The following RAB11FIP1 variants were observed in gnomAD, a reference collection of about 807,000 sequenced individuals.
RAB11FIP1 encodes the protein rab11 family-interacting protein 1.
Under a neutral mutation model 83.1 loss-of-function variants are expected in RAB11FIP1, and 49 were observed. The ratio of observed to expected loss-of-function variants is 0.59; its 90% confidence interval spans 0.47 to 0.75. The LOEUF is 0.75. RAB11FIP1 is among the 30% of genes least tolerant of loss of function. The probability of loss-of-function intolerance (pLI) is 0.00; values close to 1 mark genes in which losing one functional copy is unlikely to be tolerated. For missense variants in RAB11FIP1, 1,536 were observed against 1,598.7 expected (o/e 0.96, Z 0.67); for synonymous variants, 670 against 656.0 (o/e 1.02, Z -0.33).
chr8:37,878,254 G>T (rs1274822044), intron 1 of RAB11FIP1: 1 of 151,912 alleles, frequency 6.6e-6, no homozygotes, highest in Non-Finnish European at 1.5e-5. Context: ...TAAAGATCAG[G>T]GCAGGTGCGG....
At chr8:37,892,174 A>C (rs1275157194) in intron 1 of RAB11FIP1, among the ~76,000 whole-genome samples, 6 of 152,228 alleles carry the variant, frequency 3.9e-5, no homozygotes, top group Non-Finnish European at 7.4e-5. Flanking sequence ...TACCATATCC[A>C]ATCCATCATA....
chr8:37,888,780 C>A (rs1216160142), intron 1 of RAB11FIP1, among the ~76,000 whole-genome samples: 1 of 147,994 alleles, frequency 6.8e-6, no homozygotes, highest in African/African-American at 2.5e-5. Context: ...TCAGTGTATA[C>A]GTTCTGCAAC....
chr8:37,875,547 G>C (rs1323508019), intron 2 of RAB11FIP1, among the ~76,000 whole-genome samples: 1 of 152,144 alleles, frequency 6.6e-6, no homozygotes. Context: ...TGTCCACAGT[G>C]CTGAGGTTGA....
At chr8:37,869,911 A>G (rs116767887) in intron 5 of RAB11FIP1, among the ~76,000 whole-genome samples, 2,898 of 152,314 alleles carry the variant, frequency 0.019, 89 homozygotes, top group African/African-American at 0.066. Flanking sequence ...TAATGTTACC[A>G]AAAAAGTATA....
intron 1 of RAB11FIP1, among the ~76,000 whole-genome samples, chr8:37,880,421 C>T (rs1806711615): frequency 6.6e-6 from 1 of 152,040 alleles, no homozygotes. Context: ...GCCTCAGCCT[C>T]CCGAGTAGCT....
intron 1 of RAB11FIP1, among the ~76,000 whole-genome samples, chr8:37,897,148 C>G (rs1027232457): frequency 4.6e-5 from 7 of 151,940 alleles, no homozygotes; most frequent in Non-Finnish European, 8.8e-5. Context: ...GTGAGATACC[C>G]CATCCATCCT....
At chr8:37,873,316 G>A (rs1806523582) in intron 3 of RAB11FIP1, 137 bp from the exon 4 acceptor site, 1 of 1,017,214 alleles carries the variant, frequency 9.8e-7, no homozygotes, top group African/African-American at 1.6e-5. Flanking sequence ...GTTAAAAAAG[G>A]AACGCTAGCC....
rs536461909 is a variant in RAB11FIP1 at position 37,867,375 on chromosome 8, A to G, written c.3633+3045T>C. On this transcript the variant is annotated intron_variant, in intron 5 of 5. Transcript: ENST00000330843. ...GGCTGTGGCTGATAATTTTGAGACC[A>G]ATGCTTACCACCTGCCCTGTCAATG... Among the ~76,000 whole-genome samples the G allele has an allele frequency of 5.3e-5, 8 of 152,334 alleles. No homozygotes were observed. In the South Asian group the frequency reaches 1.7e-3, roughly 32 times the overall value.
chr8:37,873,131 A>T lies in RAB11FIP1; in HGVS notation c.1671T>A (p.Pro557=). ...EAQPTARLPS[P]TDSPSSLPPL... is the part of the protein sequence containing the mutation. Reference sequence around the variant, plus strand: ...GAGGAAGAGAGGAAGGGGAGTCAGTAGGGGAAGGAAGCCTGGCTGTGGGTT... The same window carrying T: ...GAGGAAGAGAGGAAGGGGAGTCAGTTGGGGAAGGAAGCCTGGCTGTGGGTT... Residue 557 remains proline, a synonymous_variant, in exon 4 of 6, where the codon CCT becomes CCA. Coordinates refer to ENST00000330843, the MANE Select transcript of RAB11FIP1 (RefSeq NM_001002814.3). 6.2e-7 allele frequency: 1 copy of T among 1,610,512 alleles called. No individual in the cohort carries two copies. The highest frequency in any genetic ancestry group is 8.5e-7 in the Non-Finnish European group (1 of 1,179,344).
At chr8:37,896,396 T>C (rs1807091877) in intron 1 of RAB11FIP1, among the ~76,000 whole-genome samples, 1 of 152,146 alleles carries the variant, frequency 6.6e-6, no homozygotes, top group South Asian at 2.1e-4. Flanking sequence ...GACAGCACCC[T>C]TGGCACCTTG....
chr8:37,876,214 A>AAAGGAAGGAAGGAAGGAAGG (rs71216633), intron 2 of RAB11FIP1, among the ~76,000 whole-genome samples: 25 of 128,384 alleles, frequency 1.9e-4, no homozygotes, highest in East Asian at 4.5e-4. Context: ...GAAAAGAAAG[A>AAAGGAAGGAAGGAAGGAAGG]AAGGAAGGAA....
Position 37,899,479 on chromosome 8 carries a change from C to T in RAB11FIP1, c.-38G>A, listed in dbSNP as rs1585455534. ...ACTCCAGAAGCGAGGAGAAGATCGC[C>T]GCGACTGGCGGCCTCCACGGCCCGC... On this transcript the variant is annotated 5_prime_UTR_variant, in exon 1 of 6. Transcript: ENST00000330843. This position sits in a 1 kb window ranked among gnomAD's most constrained non-coding sequence, Gnocchi z 4.5. 2.0e-6 allele frequency: 3 copies of T among 1,484,816 alleles called. No individual in the cohort carries two copies. The highest frequency in any genetic ancestry group is 2.4e-5 in the Admixed American group (1 of 41,518). 92.0% of individuals were successfully genotyped at this position (1,484,816 alleles called of 1,614,324 possible). A position where few individuals can be genotyped will look rare whatever the true frequency, so the allele number is the denominator to read the frequency against.
At chr8:37,898,546 G>T (rs1017037745) in intron 1 of RAB11FIP1, among the ~76,000 whole-genome samples, 1 of 151,940 alleles carries the variant, frequency 6.6e-6, no homozygotes, top group Non-Finnish European at 1.5e-5. Context: ...CCAGCTACTC[G>T]GGAGGCTCAG....
In RAB11FIP1 at chr8:37,871,655, G is replaced by A. The variant is rs543082155; in HGVS notation, c.3147C>T (p.Phe1049=). ...VTAPSEQTTE[F]GIHKPHLGKS... ...TGCCAAGATGTGGTTTGTGAATTCC[G>A]AACTCTGTGGTCTGCTCTGAAGGAG... is the stretch of plus-strand genomic sequence containing the variant. Residue 1049 remains phenylalanine, a synonymous_variant, in exon 4 of 6, where the codon TTC becomes TTT. Transcript: ENST00000330843. 2.6e-5 allele frequency: 42 copies of A among 1,612,142 alleles called. No homozygotes were observed. The highest frequency in any genetic ancestry group is 9.3e-5 in the African/African-American group (7 of 74,996).
Position 37,874,525 on chromosome 8 carries a change from C to T in RAB11FIP1, c.1612G>A (p.Val538Ile). 1 of 1,613,834 alleles carries T rather than the reference C, an allele frequency of 6.2e-7. No homozygotes were observed. Among genetic ancestry groups the T allele is most frequent in the African/African-American group, 1.3e-5 (1 of 75,042 alleles). ...AGAGCCAAAACTCACCGGGGCTTGA[C>T]AGCTCTGGTCTGGGGAGCCCTCGGA... The part of the protein sequence containing the change: ...SSPRAPQTRA[V>I]KPRLEVSPEA... Residue 538 changes from valine (V) to isoleucine (I), a missense_variant, in exon 3 of 6, where the codon GTC becomes ATC. Val to Ile is a conservative substitution (Grantham distance 29). Coordinates refer to ENST00000330843, the MANE Select transcript of RAB11FIP1 (RefSeq NM_001002814.3).
At chr8:37,884,357 C>T (rs1005802622) in intron 1 of RAB11FIP1, among the ~76,000 whole-genome samples, 1 of 151,936 alleles carries the variant, frequency 6.6e-6, no homozygotes, top group Non-Finnish European at 1.5e-5. Flanking sequence ...GCTACCACAC[C>T]CGGCCAACAT....
At position 37,872,950 on chromosome 8, in the gene RAB11FIP1, C is replaced by T. The variant is rs149715270; in HGVS notation, c.1852G>A (p.Val618Ile). ...TCAGACTTGGCCTGGCCCCTGTCTA[C>T]GAGAGGCCAGCTTTCAATTGGAGTG... ...TSTPIESWPL[V>I]DRGQAKSEGP... Residue 618 changes from valine to isoleucine, a missense_variant, in exon 4 of 6, where the codon GTA (valine) becomes ATA (isoleucine). Val to Ile is a conservative substitution (Grantham distance 29). Coordinates refer to ENST00000330843, the MANE Select transcript of RAB11FIP1 (RefSeq NM_001002814.3). The T allele has an allele frequency of 9.9e-6, 16 of 1,614,060 alleles. No homozygotes were observed. The highest frequency in any genetic ancestry group is 1.6e-4 in the Middle Eastern group (1 of 6,078).
At chr8:37,896,986 G>A (rs1453757491) in intron 1 of RAB11FIP1, among the ~76,000 whole-genome samples, 1 of 152,156 alleles carries the variant, frequency 6.6e-6, no homozygotes, top group African/African-American at 2.4e-5. Flanking sequence ...TTGGGATGGC[G>A]CAAGACAACG....
At chr8:37,869,310 G>GGCCGGGC (rs1806400999) in intron 5 of RAB11FIP1, among the ~76,000 whole-genome samples, 1 of 151,834 alleles carries the variant, frequency 6.6e-6, no homozygotes, top group Non-Finnish European at 1.5e-5. Flanking sequence ...GCATGAGGTA[G>GGCCGGGC]GCCGGGCGCA....
Sources: allele counts gnomAD v4.1 joint callset (sites outside exome capture counted in the v4.1 genomes callset), GRCh38; gene constraint gnomAD v4.1.1; non-coding constraint Gnocchi (gnomAD v3.1); transcripts MANE v1.5; gene names NCBI Gene and HGNC (gene_info 2026-07-23, HGNC 2026-07-21).